TRABD: variants seen among roughly 807,000 people sequenced by gnomAD.
The protein encoded by TRABD is TraB domain containing.
In TRABD, 23 loss-of-function variants were observed where a neutral mutation model predicts 39.6. That is an observed-to-expected ratio of 0.58 (90% CI 0.42 to 0.82). The LOEUF (loss-of-function observed/expected upper bound fraction) is 0.82, where lower values mean the gene tolerates loss of function less well. Ranked by LOEUF, TRABD falls within the 40% of genes least tolerant of loss-of-function variation. The pLI is 0.00. For synonymous variants in TRABD, 243 were observed against 232.1 expected, an observed-to-expected ratio of 1.05 and a Z score of -0.43; for missense variants, 487 against 544.9, an observed-to-expected ratio of 0.89 and a Z score of 1.06.
Position 50,199,278 on chromosome 22 carries a change from G to A in TRABD, c.*759G>A, listed in dbSNP as rs1017714049. ...AGCCTGTGTCCTGAGCCCCCGGAGC[G>A]AAGGGGTGCCTGGGGCATCTTGGCC... On this transcript the variant is annotated 3_prime_UTR_variant, in exon 10 of 10. Coordinates refer to ENST00000380909, the MANE Select transcript of TRABD (RefSeq NM_001320485.2). The A allele has an allele frequency of 1.8e-5, 11 of 602,376 alleles. No homozygotes were observed. Among genetic ancestry groups the A allele is most frequent in the South Asian group, 9.5e-5 (5 of 52,888 alleles). The allele number at this position is 602,376 out of a possible 1,614,324, so 37.3% of individuals were successfully genotyped here.
intron 1 of TRABD, among the ~76,000 whole-genome samples, chr22:50,192,564 G>T (rs1237108225): frequency 6.6e-6 from 1 of 152,208 alleles, no homozygotes; most frequent in African/African-American, 2.4e-5. Context: ...ACTCTGTGCC[G>T]GTGTTGTTGC....
rs1397983733 is a variant in TRABD at position 50,198,986 on chromosome 22, C to A, written c.*467C>A. On this transcript the variant is annotated 3_prime_UTR_variant, in exon 10 of 10. Transcript: ENST00000380909. This position sits in a 1 kb window ranked among gnomAD's most constrained non-coding sequence, Gnocchi z 7.9. ...GAAAGGCCCAGCCCTGGAGCTCCAGCCGACCCCACCGTGCCCCTGGCATCC... is the reference window on the plus strand; with the variant it reads ...GAAAGGCCCAGCCCTGGAGCTCCAGACGACCCCACCGTGCCCCTGGCATCC... The A allele has an allele frequency of 6.3e-6, 4 of 633,406 alleles. No individual in the cohort carries two copies. Among genetic ancestry groups the A allele is most frequent in the Admixed American group, 2.4e-5 (1 of 40,890 alleles). The allele number at this position is 633,406 out of a possible 1,614,324, so 39.2% of individuals were successfully genotyped here.
At position 50,198,502 on chromosome 22, in the gene TRABD, G is replaced by A. The variant is rs1011084665; in HGVS notation, c.1114G>A (p.Glu372Lys). The change falls in exon 10 of 10, where the codon GAG (glutamate) becomes AAG (lysine). Residue 372 changes from glutamate to lysine, a missense_variant. Physicochemically the swap from Glu to Lys is moderately conservative, Grantham distance 56 (BLOSUM62 1). Transcript: ENST00000380909. The surrounding 1 kb of genome is among the most constrained non-coding windows in gnomAD (Gnocchi z 7.9). ...GCAGTACTGCCTGCAGAGGGTGACC[G>A]AGGCCCGGCACAAGTAGGAGACTGC... ...AAQYCLQRVT[E>K]ARHK is the part of the protein sequence containing the mutation. 13 of 1,570,612 alleles carry A rather than the reference G, an allele frequency of 8.3e-6. No homozygotes were observed. Among genetic ancestry groups the A allele is most frequent in the East Asian group, 4.5e-5 (2 of 44,058 alleles).
In TRABD at chr22:50,199,256, CTG is replaced by C; in HGVS notation, c.*741_*742del. 1 of 639,718 alleles carries C rather than the reference CTG, an allele frequency of 1.6e-6. No homozygotes were observed. Among genetic ancestry groups the C allele is most frequent in the Non-Finnish European group, 2.9e-6 (1 of 347,168 alleles). 39.6% of individuals were successfully genotyped at this position (639,718 alleles called of 1,614,324 possible). On this transcript the variant is annotated 3_prime_UTR_variant, in exon 10 of 10. Coordinates refer to ENST00000380909, the MANE Select transcript of TRABD (RefSeq NM_001320485.2). Reference sequence around the variant, plus strand: ...TCCAGGCGTGGCCTCAGCTGGGAGCCTGTGTCCTGAGCCCCCGGAGCGAAGGG... The same window carrying C: ...TCCAGGCGTGGCCTCAGCTGGGAGCCTGTCCTGAGCCCCCGGAGCGAAGGG...
At chr22:50,188,809 G>A (rs180936156) in intron 1 of TRABD, among the ~76,000 whole-genome samples, 90 of 152,260 alleles carry the variant, frequency 5.9e-4, no homozygotes, top group Non-Finnish European at 9.7e-4. Context: ...GAAGCCCTGC[G>A]GGACATTTCG....
At chr22:50,194,023 T>C (rs1455881714) in intron 3 of TRABD, among the ~76,000 whole-genome samples, 1 of 10,958 alleles carries the variant, frequency 9.1e-5, no homozygotes, top group African/African-American at 2.4e-3. Context: ...CTGAGCCCCC[T>C]GCGGCACCTG....
At chr22:50,188,673 A>G (rs1205721508) in intron 1 of TRABD, among the ~76,000 whole-genome samples, 2 of 152,174 alleles carry the variant, frequency 1.3e-5, no homozygotes, top group African/African-American at 2.4e-5. Context: ...TAATACCTTC[A>G]TAGTGGGAGT....
rs990960070 is a variant in TRABD at position 50,188,871 on chromosome 22, T to C, written c.-35+2895T>C. 9.2e-5 allele frequency among the ~76,000 whole-genome samples: 14 copies of C among 152,324 alleles called. 1 individual carries two copies. Among genetic ancestry groups the C allele is most frequent in the Admixed American group, 7.8e-4 (12 of 15,302 alleles). On this transcript the variant is annotated intron_variant, in intron 1 of 9. Transcript: ENST00000380909. The stretch of plus-strand genomic sequence containing the variant: ...AAGGACTGTAGATGCCGCTCTGATT[T>C]TGTGTCCTAGGGCCGCACACCTCAG...
In TRABD at chr22:50,197,285, G is replaced by A. The variant is rs201517154; in HGVS notation, c.465G>A (p.Val155=). The change falls in exon 6 of 10, where the codon GTG becomes GTA. Residue 155 remains valine, a synonymous_variant. Transcript: ENST00000380909. ...TGATGCAGATGCTGCTGCTGAAGGT[G>A]TCTGCACACATCACCGAGCAGCTGG... ...SGLMQMLLLK[V]SAHITEQLGM... is the part of the protein sequence containing the mutation. The A allele has an allele frequency of 6.8e-6, 11 of 1,613,770 alleles. No individual in the cohort carries two copies. The East Asian group carries it at 2.2e-4, about 33-fold the overall frequency.
At position 50,199,161 on chromosome 22, in the gene TRABD, A is replaced by C. The variant is rs1258048328; in HGVS notation, c.*642A>C. On this transcript the variant is annotated 3_prime_UTR_variant, in exon 10 of 10. Transcript: ENST00000380909. ...GTCAAAAAACACCAGCCTTAAATCC[A>C]AAGGGAGAGAATTCGTGTTCTTGGG... 8 of 718,982 alleles carry C rather than the reference A, an allele frequency of 1.1e-5. No individual in the cohort carries two copies. In the African/African-American group the frequency reaches 1.4e-4, roughly 13 times the overall value. 44.5% of individuals were successfully genotyped at this position (718,982 alleles called of 1,614,324 possible). A position where few individuals can be genotyped will look rare whatever the true frequency, so the allele number is the denominator to read the frequency against.
Position 50,199,059 on chromosome 22 carries a change from G to C in TRABD, c.*540G>C. On this transcript the variant is annotated 3_prime_UTR_variant, in exon 10 of 10. Transcript: ENST00000380909. ...GGCACCGTCTGCCTGCAGGGATTCT[G>C]TGTTTTTGGCTTTTTTAATGTCTTA... is the stretch of plus-strand genomic sequence containing the variant. 1 of 712,326 alleles carries C rather than the reference G, an allele frequency of 1.4e-6. No homozygotes were observed. The highest frequency in any genetic ancestry group is 1.5e-5 in the South Asian group (1 of 67,194). The allele number at this position is 712,326 out of a possible 1,614,324, so 44.1% of individuals were successfully genotyped here.
In TRABD at chr22:50,193,619, T is replaced by G. The variant is rs1435529949; in HGVS notation, c.77T>G (p.Val26Gly). 7 of 1,613,676 alleles carry G rather than the reference T, an allele frequency of 4.3e-6. No individual in the cohort carries two copies. The highest frequency in any genetic ancestry group is 5.9e-6 in the Non-Finnish European group (7 of 1,179,972). Residue 26 changes from valine to glycine, a missense_variant, in exon 3 of 10, where the codon GTG becomes GGG. Coordinates refer to ENST00000380909, the MANE Select transcript of TRABD (RefSeq NM_001320485.2). ...PVVPSEASEP[V>G]PRVLSGDPQN... ...GTGCCGTCAGAGGCTTCAGAGCCGG[T>G]GCCCAGGGTGCTTTCTGGAGACCCC...
At chr22:50,193,215 G>C (rs923833426) in intron 2 of TRABD, 122 bp downstream of exon 2, 7 of 1,263,076 alleles carry the variant, frequency 5.5e-6, no homozygotes, top group Non-Finnish European at 7.4e-6. Flanking sequence ...GGTTCTCCAG[G>C]GTCAGGCAGG....
intron 5 of TRABD, among the ~76,000 whole-genome samples, 198 bp downstream of exon 5, chr22:50,195,238 A>T (rs2064058148): frequency 6.6e-6 from 1 of 152,036 alleles, no homozygotes; most frequent in African/African-American, 2.4e-5. Context: ...CAGGCAAGGG[A>T]GGAGGAAATG....
Position 50,198,369 on chromosome 22 carries a change from C to T in TRABD, c.981C>T (p.Gly327=). The T allele has an allele frequency of 6.3e-7, 1 of 1,586,134 alleles. No homozygotes were observed. Among genetic ancestry groups the T allele is most frequent in the Non-Finnish European group, 8.5e-7 (1 of 1,171,210 alleles). The stretch of plus-strand genomic sequence containing the variant: ...GCGTGCCCCCGCCGTCCGTCTCCGG[C>T]AGAGTGTCTCGGTTGGCCGTGAAGG... ...IMTVPPPSVS[G]RVSRLAVKAA... is the part of the protein sequence containing the mutation. Residue 327 remains glycine, a synonymous_variant, in exon 10 of 10, where the codon GGC becomes GGT. Transcript: ENST00000380909. This position sits in a 1 kb window ranked among gnomAD's most constrained non-coding sequence, Gnocchi z 7.9.
At chr22:50,196,317 G>A (rs551060379) in intron 5 of TRABD, among the ~76,000 whole-genome samples, 4 of 152,332 alleles carry the variant, frequency 2.6e-5, no homozygotes, top group Middle Eastern at 3.4e-3. Context: ...CCTGGGCCCC[G>A]GGGAAACACG....
rs76160157 is a variant in TRABD at position 50,197,748 on chromosome 22, G to A, written c.672-75G>A. The A allele has an allele frequency of 5.4e-3, 8,576 of 1,579,688 alleles. 427 individuals are homozygous for A. In the African/African-American group the frequency reaches 0.1, roughly 19 times the overall value. On this transcript the variant is annotated intron_variant, in intron 7 of 9. Transcript: ENST00000380909. ...AACAAACGTGCTGTGGTCCCTGCCCGGTGTCCACAGTGCCAGCCCCACCCC... is the reference window on the plus strand; with the variant it reads ...AACAAACGTGCTGTGGTCCCTGCCCAGTGTCCACAGTGCCAGCCCCACCCC...
chr22:50,196,498 C>T (rs903322665), intron 5 of TRABD, among the ~76,000 whole-genome samples: 6 of 152,288 alleles, frequency 3.9e-5, no homozygotes, highest in East Asian at 1.9e-4. Flanking sequence ...GCCAGCCGGC[C>T]GGTGAGACAG....
intron 1 of TRABD, among the ~76,000 whole-genome samples, chr22:50,189,302 C>G (rs1341712268): frequency 1.3e-5 from 2 of 152,240 alleles, no homozygotes; most frequent in Non-Finnish European, 2.9e-5. Flanking sequence ...CTGCCCAGAG[C>G]ATCCTGCCCA....
Sources: gnomAD v4.1 joint callset for allele counts (sites outside exome capture counted in the v4.1 genomes callset) on GRCh38, gnomAD v4.1.1 for gene constraint, Gnocchi (gnomAD v3.1) non-coding constraint, MANE v1.5 for transcripts, NCBI Gene and HGNC (gene_info 2026-07-23, HGNC 2026-07-21) for gene names.